LLCFC1: variants seen among roughly 807,000 people sequenced by gnomAD.
The protein encoded by LLCFC1 is sperm-egg fusion protein LLCFC1.
Under a neutral mutation model 9.8 loss-of-function variants are expected in LLCFC1, and 14 were observed. The ratio of observed to expected loss-of-function variants is 1.43; its 90% CI spans 0.95 to 2.24. LLCFC1 has a LOEUF of 2.24. Ranked by LOEUF, LLCFC1 falls within the 30% of genes most tolerant of loss-of-function variation. The pLI is 0.00. For missense variants in LLCFC1, 162 were observed against 148.0 expected, an observed-to-expected ratio of 1.09 and a Z score of -0.49; for synonymous variants, 70 against 58.8, an observed-to-expected ratio of 1.19 and a Z score of -0.87.
intron 1 of LLCFC1, 67 bp downstream of exon 1, chr7:142,939,821 C>G (rs1265084915): frequency 6.7e-7 from 1 of 1,498,036 alleles, no homozygotes; most frequent in Admixed American, 2.1e-5. Flanking sequence ...GAAAAAAAGA[C>G]GGGAGAGTCT....
chr7:142,939,495 G>T lies in LLCFC1; in HGVS notation c.-127G>T. 2.0e-6 allele frequency: 3 copies of T among 1,488,180 alleles called. No individual in the cohort carries two copies. The highest frequency in any genetic ancestry group is 2.7e-6 in the Non-Finnish European group (3 of 1,110,962). The allele number at this position is 1,488,180 out of a possible 1,614,324, so 92.2% of individuals were successfully genotyped here. On this transcript the variant is annotated 5_prime_UTR_variant, in exon 1 of 2. It removes an upstream start codon present in the reference 5' UTR. Transcript: ENST00000409607. ...GAACATGTGAAGTCAGAGGTCCTAT[G>T]GAAGGTGAGGGGAGAAAATGCCCCT...
At position 142,940,623 on chromosome 7, in the gene LLCFC1, C is replaced by CA; in HGVS notation, c.*39dup. 1 of 1,530,926 alleles carries CA rather than the reference C, an allele frequency of 6.5e-7. No individual in the cohort carries two copies. Among genetic ancestry groups the CA allele is most frequent in the Non-Finnish European group, 9.0e-7 (1 of 1,105,182 alleles). 94.8% of individuals were successfully genotyped at this position (1,530,926 alleles called of 1,614,324 possible). A position where few individuals can be genotyped will look rare whatever the true frequency, so the allele number is the denominator to read the frequency against. On this transcript the variant is annotated 3_prime_UTR_variant, in exon 2 of 2. Transcript: ENST00000409607. ...CTCCTGGGCTCCAGGTCACAACTCCCAAAGGAGATGCAGGCATGGCTCTCT... is the reference window on the plus strand; with the variant it reads ...CTCCTGGGCTCCAGGTCACAACTCCCAAAAGGAGATGCAGGCATGGCTCTCT...
In LLCFC1 at chr7:142,940,511, G is replaced by A. The variant is rs947924957; in HGVS notation, c.293G>A (p.Ser98Asn). ...FHLSFCFSLA[S>N]VMVFSGGPLR... The stretch of plus-strand genomic sequence containing the variant: ...CTCAGCTTCTGCTTTAGTCTGGCCA[G>A]TGTCATGGTTTTCTCAGGAGGGCCA... Residue 98 changes from serine (S) to asparagine (N), a missense_variant, in exon 2 of 2, where the codon AGT becomes AAT. Transcript: ENST00000409607. The A allele has an allele frequency of 1.2e-6, 2 of 1,614,200 alleles. No individual in the cohort carries two copies. Among genetic ancestry groups the A allele is most frequent in the Non-Finnish European group, 1.7e-6 (2 of 1,180,046 alleles).
chr7:142,940,281 C>T, intron 1 of LLCFC1, 71 bp from the exon 2 acceptor site: 2 of 1,268,776 alleles, frequency 1.6e-6, no homozygotes, highest in Non-Finnish European at 1.1e-6. Context: ...CGTGTTTTTC[C>T]TATTCTAACT....
In LLCFC1 at chr7:142,940,611, G is replaced by C. The variant is rs780237002; in HGVS notation, c.*24G>C. 50 of 1,583,864 alleles carry C rather than the reference G, an allele frequency of 3.2e-5. No individual in the cohort carries two copies. The highest frequency in any genetic ancestry group is 4.0e-5 in the Non-Finnish European group (46 of 1,153,026). On this transcript the variant is annotated 3_prime_UTR_variant, in exon 2 of 2. Coordinates refer to ENST00000409607, the MANE Select transcript of LLCFC1 (RefSeq NM_001382496.1). Reference sequence around the variant, plus strand: ...GACCCTCCCTCCCTCCTGGGCTCCAGGTCACAACTCCCAAAGGAGATGCAG... The same window carrying C: ...GACCCTCCCTCCCTCCTGGGCTCCACGTCACAACTCCCAAAGGAGATGCAG...
At chr7:142,939,785 G>A (rs1164668580) in intron 1 of LLCFC1, 31 bp downstream of exon 1, 49 of 1,582,452 alleles carry the variant, frequency 3.1e-5, no homozygotes, top group Middle Eastern at 3.4e-4. Flanking sequence ...GAGCCATACA[G>A]AGAAAACACC....
chr7:142,939,859 GC>G, intron 1 of LLCFC1, 105 bp downstream of exon 1: 1 of 1,184,834 alleles, frequency 8.4e-7, no homozygotes, highest in Non-Finnish European at 1.2e-6. Context: ...TCTGTGTGAG[GC>G]CAGGCCCCAG....
At position 142,940,365 on chromosome 7, in the gene LLCFC1, A is replaced by G. The variant is rs887428566; in HGVS notation, c.147A>G (p.Glu49=). 6.2e-7 allele frequency: 1 copy of G among 1,613,930 alleles called. No homozygotes were observed. The highest frequency in any genetic ancestry group is 8.5e-7 in the Non-Finnish European group (1 of 1,179,880). ...EKTPSADQNQ[E]QFEEHFVASS... is the part of the protein sequence containing the mutation. ...CCCCTGTTCCAGACCAGAATCAAGA[A>G]CAGTTCGAAGAGCACTTTGTGGCCT... The change falls in exon 2 of 2, where the codon GAA becomes GAG. Residue 49 remains glutamate (E), a synonymous_variant. Transcript: ENST00000409607.
At position 142,939,684 on chromosome 7, in the gene LLCFC1, G is replaced by A; in HGVS notation, c.63G>A (p.Leu21=). 6.2e-7 allele frequency: 1 copy of A among 1,614,208 alleles called. No homozygotes were observed. The change falls in exon 1 of 2, where the codon CTG becomes CTA. Residue 21 remains leucine (L), a synonymous_variant. Transcript: ENST00000409607. ...AVFLVPILLL[L]QVKPLNGSPG... is the part of the protein sequence containing the mutation. ...TCCTGGTTCCTATCTTGCTGCTGCT[G>A]CAGGTGAAGCCTCTGAACGGGAGCC...
chr7:142,939,614 G>T lies in LLCFC1; in HGVS notation c.-8G>T. ...GGGGGCGGCCAAAGGCAGTGGGTGG[G>T]CAGGTCCATGCCTCCCCTGGCCCCC... On this transcript the variant is annotated 5_prime_UTR_variant, in exon 1 of 2. Coordinates refer to ENST00000409607, the MANE Select transcript of LLCFC1 (RefSeq NM_001382496.1). 1 of 1,609,280 alleles carries T rather than the reference G, an allele frequency of 6.2e-7. No individual in the cohort carries two copies. The highest frequency in any genetic ancestry group is 8.5e-7 in the Non-Finnish European group (1 of 1,177,682).
chr7:142,939,521 G>A lies in LLCFC1; in HGVS notation c.-101G>A, dbSNP rs1178746382. The A allele has an allele frequency of 2.0e-6, 3 of 1,524,978 alleles. No homozygotes were observed. The highest frequency in any genetic ancestry group is 4.6e-5 in the East Asian group (2 of 43,680). The allele number at this position is 1,524,978 out of a possible 1,614,324, so 94.5% of individuals were successfully genotyped here. On this transcript the variant is annotated 5_prime_UTR_variant, in exon 1 of 2. It introduces an in-frame stop codon into an upstream open reading frame of the 5' UTR. Coordinates refer to ENST00000409607, the MANE Select transcript of LLCFC1 (RefSeq NM_001382496.1). ...GAAGGTGAGGGGAGAAAATGCCCCT[G>A]GAAAGGGTTAAGGGCCAGGACAGGA...
chr7:142,939,663 G>C lies in LLCFC1; in HGVS notation c.42G>C (p.Leu14=), dbSNP rs1298807366. The C allele has an allele frequency of 6.2e-6, 10 of 1,614,074 alleles. No homozygotes were observed. The Admixed American group carries it at 1.5e-4, about 24-fold the overall frequency. Residue 14 remains leucine, a synonymous_variant, in exon 1 of 2, where the codon CTG becomes CTC. Transcript: ENST00000409607. ...LAPQLCRAVF[L]VPILLLLQVK... is the part of the protein sequence containing the mutation. ...CCCAGCTCTGCAGGGCAGTGTTCCT[G>C]GTTCCTATCTTGCTGCTGCTGCAGG...
In LLCFC1 at chr7:142,940,636, G is replaced by C. The variant is rs769662660; in HGVS notation, c.*49G>C. ...GGTCACAACTCCCAAAGGAGATGCA[G>C]GCATGGCTCTCTGCCTCTGATCACC... On this transcript the variant is annotated 3_prime_UTR_variant, in exon 2 of 2. Transcript: ENST00000409607. The C allele has an allele frequency of 1.9e-5, 28 of 1,450,354 alleles. No homozygotes were observed. In the East Asian group the frequency reaches 6.4e-4, roughly 33 times the overall value. 89.8% of individuals were successfully genotyped at this position (1,450,354 alleles called of 1,614,324 possible). A position where few individuals can be genotyped will look rare whatever the true frequency, so the allele number is the denominator to read the frequency against.
At position 142,939,531 on chromosome 7, in the gene LLCFC1, AAGG is replaced by A; in HGVS notation, c.-90_-88del. ...GGAGAAAATGCCCCTGGAAAGGGTT[AAGG>A]GCCAGGACAGGAATGGGGCAGGAGG... On this transcript the variant is annotated 5_prime_UTR_variant, in exon 1 of 2. Transcript: ENST00000409607. 4 of 1,537,830 alleles carry A rather than the reference AAGG, an allele frequency of 2.6e-6. No individual in the cohort carries two copies. Among genetic ancestry groups the A allele is most frequent in the Non-Finnish European group, 2.6e-6 (3 of 1,143,416 alleles).
chr7:142,939,587 C>T lies in LLCFC1; in HGVS notation c.-35C>T, dbSNP rs764589220. 6.9e-6 allele frequency: 11 copies of T among 1,596,128 alleles called. No individual in the cohort carries two copies. The South Asian group carries it at 1.2e-4, about 18-fold the overall frequency. Reference sequence around the variant, plus strand: ...CACGGATCCTGCTGGGCACTGGGAGCAGGGGGCGGCCAAAGGCAGTGGGTG... The same window carrying T: ...CACGGATCCTGCTGGGCACTGGGAGTAGGGGGCGGCCAAAGGCAGTGGGTG... On this transcript the variant is annotated 5_prime_UTR_variant, in exon 1 of 2. Coordinates refer to ENST00000409607, the MANE Select transcript of LLCFC1 (RefSeq NM_001382496.1).
rs1036014216 is a variant in LLCFC1 at position 142,940,776 on chromosome 7, C to G, written c.*189C>G. On this transcript the variant is annotated 3_prime_UTR_variant, in exon 2 of 2. Transcript: ENST00000409607. ...GGGCCAGAGACAGCAGACCCACATC[C>G]TTCTCTCCCACACCTCTCCTGGTTT... is the stretch of plus-strand genomic sequence containing the variant. The G allele has an allele frequency of 2.4e-5, 15 of 613,682 alleles. No homozygotes were observed. The South Asian group carries it at 2.8e-4, about 11-fold the overall frequency. The allele number at this position is 613,682 out of a possible 1,614,324, so 38.0% of individuals were successfully genotyped here.
At chr7:142,939,853 T>G in intron 1 of LLCFC1, 99 bp downstream of exon 1, 1 of 1,254,924 alleles carries the variant, frequency 8.0e-7, no homozygotes, top group Non-Finnish European at 1.1e-6. Context: ...GTGAGGTCTG[T>G]GTGAGGCCAG....
intron 1 of LLCFC1, among the ~76,000 whole-genome samples, chr7:142,940,106 GGTGTGTGTGTGTGTGTGT>G (rs782240164): frequency 3.5e-4 from 45 of 128,994 alleles, no homozygotes; most frequent in East Asian, 2.8e-3. Context: ...CCTTAGGAAT[GGTGTGTGTGTGTGTGTGT>G]GTGTGTGTGT....
At chr7:142,940,155 G>A (rs1299497595) in intron 1 of LLCFC1, among the ~76,000 whole-genome samples, 197 bp from the exon 2 acceptor site, 1 of 121,608 alleles carries the variant, frequency 8.2e-6, no homozygotes. Flanking sequence ...GTGTGTGTGT[G>A]TGTTTGAGTT....
Sources: allele counts gnomAD v4.1 joint callset (sites outside exome capture counted in the v4.1 genomes callset), GRCh38; gene constraint gnomAD v4.1.1; transcripts MANE v1.5; gene names NCBI Gene and HGNC (gene_info 2026-07-23, HGNC 2026-07-21).